Variants in PDE4D observed in about 807,000 individuals in gnomAD.
PDE4D encodes the protein phosphodiesterase 4D.
Under a neutral mutation model 87.4 loss-of-function variants are expected in PDE4D, and 24 were observed. The ratio of observed to expected loss-of-function variants is 0.27; its 90% CI spans 0.20 to 0.39. PDE4D has a LOEUF of 0.39. Among genes scored for constraint, PDE4D ranks in the 10% least tolerant of loss-of-function variants. The pLI is 1.00. For missense variants in PDE4D, 714 were observed against 1,041.0 expected, an observed-to-expected ratio of 0.69 and a Z score of 4.32; for synonymous variants, 384 against 383.2, an observed-to-expected ratio of 1.00 and a Z score of -0.02.
intron 1 of PDE4D, among the ~76,000 whole-genome samples, chr5:59,290,754 T>C (rs1343977606): frequency 6.6e-6 from 1 of 151,846 alleles, no homozygotes; most frequent in Non-Finnish European, 1.5e-5. Flanking sequence ...TTAATCTGAT[T>C]TAAAAATAGG....
chr5:59,522,429 T>C (rs1236548080), intron 1 of PDE4D, among the ~76,000 whole-genome samples: 1 of 152,158 alleles, frequency 6.6e-6, no homozygotes, highest in African/African-American at 2.4e-5. Flanking sequence ...TGTCCACTAT[T>C]TTACACAAAC....
At chr5:59,793,640 T>C (rs1766077923) in intron 1 of PDE4D, among the ~76,000 whole-genome samples, 1 of 152,196 alleles carries the variant, frequency 6.6e-6, no homozygotes. Context: ...AAGAAAAGAA[T>C]GGTTTTAGAA....
At position 60,443,517 on chromosome 5, in the gene PDE4D, A is replaced by T. The variant is rs112898328; in HGVS notation, c.-90+44425T>A. Among the ~76,000 whole-genome samples, 333 of 152,262 alleles carry T rather than the reference A, an allele frequency of 2.2e-3. 2 individuals are homozygous for T. Among genetic ancestry groups the T allele is most frequent in the African/African-American group, 7.7e-3 (322 of 41,568 alleles). On this transcript the variant is annotated intron_variant, in intron 1 of 16. Coordinates refer to the PDE4D transcript ENST00000502484. ...TCTTTTTCCCCAGGGTAGAGAAAAG[A>T]ATGCTGATGTAGAAGAATTTGAGGA...
At chr5:60,516,950 C>T (rs1014350945) in intron 1 of PDE4D, among the ~76,000 whole-genome samples, 1 of 152,080 alleles carries the variant, frequency 6.6e-6, no homozygotes, top group Non-Finnish European at 1.5e-5. Context: ...CCCTCCTGGG[C>T]ACAGCTGCAG....
chr5:60,237,340 C>A (rs368594943), intron 1 of PDE4D, among the ~76,000 whole-genome samples: 4 of 151,844 alleles, frequency 2.6e-5, no homozygotes, highest in Non-Finnish European at 5.9e-5. Flanking sequence ...TTTGTAGTAG[C>A]CAAAAATTGA....
At chr5:59,819,382 C>T (rs1389250158) in intron 1 of PDE4D, among the ~76,000 whole-genome samples, 1 of 152,226 alleles carries the variant, frequency 6.6e-6, no homozygotes, top group Non-Finnish European at 1.5e-5. Context: ...GACTCCAAAT[C>T]TACTACTTTC....
chr5:59,191,882 A>AT (rs1235565571), intron 3 of PDE4D, among the ~76,000 whole-genome samples: 2 of 152,034 alleles, frequency 1.3e-5, no homozygotes, highest in African/African-American at 4.8e-5. Flanking sequence ...TAAGTTTTCA[A>AT]TAGTAATCAA....
rs781640149 is a variant in PDE4D at position 59,384,096 on chromosome 5, G to T, written c.456-168128C>A. On this transcript the variant is annotated intron_variant, in intron 1 of 14. Coordinates refer to ENST00000340635, the MANE Select transcript of PDE4D (RefSeq NM_001104631.2). ...GTTTTTTTTATTTTTTGAGGAGACG[G>T]TGTCTTGCCAAGTTACCCAGGCTGG... Among the ~76,000 whole-genome samples, 10 of 151,946 alleles carry T rather than the reference G, an allele frequency of 6.6e-5. No homozygotes were observed. The South Asian group carries it at 1.2e-3, about 19-fold the overall frequency.
chr5:58,991,205 C>G (rs1747831902), intron 8 of PDE4D, among the ~76,000 whole-genome samples: 1 of 152,126 alleles, frequency 6.6e-6, no homozygotes, highest in Admixed American at 6.5e-5. Flanking sequence ...TTGCTTGAAC[C>G]CAGGAGGCAG....
chr5:59,039,474 A>G, intron 5 of PDE4D: 4 of 986,570 alleles, frequency 4.1e-6, no homozygotes, highest in Non-Finnish European at 4.8e-6. Flanking sequence ...CGGCACTTGA[A>G]GTGAATGAAT....
chr5:59,666,942 A>T (rs1239265927), intron 1 of PDE4D, among the ~76,000 whole-genome samples: 1 of 152,174 alleles, frequency 6.6e-6, no homozygotes, highest in African/African-American at 2.4e-5. Flanking sequence ...TTCTGATTAC[A>T]GGCACTAGGC....
chr5:59,121,553 T>TAA (rs1460754512), intron 5 of PDE4D, among the ~76,000 whole-genome samples: 2 of 147,772 alleles, frequency 1.4e-5, no homozygotes, highest in East Asian at 4.0e-4. Context: ...TAATAAAAAA[T>TAA]AAAAAAAAAA....
intron 5 of PDE4D, among the ~76,000 whole-genome samples, chr5:59,137,558 G>C (rs531305729): frequency 6.9e-6 from 1 of 145,964 alleles, no homozygotes; most frequent in African/African-American, 2.5e-5. Context: ...ATGGAGTCTC[G>C]CTCTGTCGCC....
chr5:60,340,355 A>C (rs1758202077), intron 1 of PDE4D, among the ~76,000 whole-genome samples: 1 of 152,002 alleles, frequency 6.6e-6, no homozygotes, highest in Admixed American at 6.5e-5. Flanking sequence ...ACATTTGTGG[A>C]GTGGATAGTC....
chr5:59,011,610 G>C (rs1261914833), intron 6 of PDE4D, among the ~76,000 whole-genome samples: 3 of 152,174 alleles, frequency 2.0e-5, no homozygotes, highest in Non-Finnish European at 4.4e-5. Flanking sequence ...AGAGAAAAAA[G>C]AGTAAAAATA....
intron 6 of PDE4D, among the ~76,000 whole-genome samples, chr5:59,023,628 C>G (rs1006261439): frequency 6.6e-6 from 1 of 152,114 alleles, no homozygotes; most frequent in Non-Finnish European, 1.5e-5. Context: ...TGCACTCCAG[C>G]CTGGTTGACA....
intron 1 of PDE4D, among the ~76,000 whole-genome samples, chr5:59,667,177 T>C (rs1296621184): frequency 6.6e-6 from 1 of 152,156 alleles, no homozygotes; most frequent in Non-Finnish European, 1.5e-5. Flanking sequence ...AACATACACA[T>C]TGTCAGTTAG....
rs148984887 is a variant in PDE4D, at chr5:60,500,410, T to A, written n.70+21641A>T. Among the ~76,000 whole-genome samples the A allele has an allele frequency of 1.4e-3, 212 of 152,364 alleles. 5 individuals carry two copies. In the East Asian group the frequency reaches 0.026, roughly 19 times the overall value. On this transcript the variant is annotated intron_variant and non_coding_transcript_variant, in intron 1 of 2. Coordinates refer to the PDE4D transcript ENST00000506510. ...ATATTTAAGATTTATTTATAATGCA[T>A]CTTATGTAATACTACATTAGAGAAA... is the stretch of plus-strand genomic sequence containing the variant.
At chr5:59,918,236 T>C (rs1754287690) in intron 3 of PDE4D, among the ~76,000 whole-genome samples, 1 of 152,150 alleles carries the variant, frequency 6.6e-6, no homozygotes, top group African/African-American at 2.4e-5. Context: ...TTTAAAAAAG[T>C]GTATGTGTAT....
Sources: gnomAD v4.1 joint callset for allele counts (sites outside exome capture counted in the v4.1 genomes callset) on GRCh38, gnomAD v4.1.1 for gene constraint, MANE v1.5 for transcripts, NCBI Gene and HGNC (gene_info 2026-07-23, HGNC 2026-07-21) for gene names.